Variants in PPFIA2 observed in about 807,000 individuals in gnomAD.
PPFIA2 encodes liprin-alpha-2.
A neutral mutation model predicts 175.5 loss-of-function variants in PPFIA2; 46 were observed. The observed-to-expected ratio is 0.26, with a 90% CI of 0.21 to 0.34. The LOEUF (loss-of-function observed/expected upper bound fraction) is 0.34, where lower values mean the gene tolerates loss of function less well. Ranked by LOEUF, PPFIA2 falls within the 10% of genes least tolerant of loss-of-function variation. PPFIA2 has a pLI of 1.00. For missense variants in PPFIA2, 1,179 were observed against 1,506.1 expected (o/e 0.78, Z 3.60); for synonymous variants, 568 against 511.4 (o/e 1.11, Z -1.49).
chr12:81,664,927 T>G (rs2069816883), intron 4 of PPFIA2, among the ~76,000 whole-genome samples: 1 of 151,678 alleles, frequency 6.6e-6, no homozygotes, highest in Admixed American at 6.6e-5. Context: ...CTCAGCAAAC[T>G]ATCACAAGGA....
intron 4 of PPFIA2, among the ~76,000 whole-genome samples, chr12:81,462,487 A>G (rs1378746269): frequency 6.8e-6 from 1 of 146,072 alleles, no homozygotes; most frequent in Non-Finnish European, 1.5e-5. Context: ...AATACTCTGT[A>G]TTATATATTG....
intron 3 of PPFIA2, among the ~76,000 whole-genome samples, chr12:81,724,969 C>CAT (rs2079861665): frequency 6.6e-6 from 1 of 151,012 alleles, no homozygotes; most frequent in Admixed American, 6.6e-5. Context: ...GGTCCTTTTT[C>CAT]TCCACACCCT....
chr12:81,442,145 A>T (rs957053651), intron 6 of PPFIA2, among the ~76,000 whole-genome samples: 14 of 152,076 alleles, frequency 9.2e-5, no homozygotes, highest in Non-Finnish European at 1.8e-4. Context: ...TTTATCCAAC[A>T]ATATGAAAAT....
chr12:81,455,594 A>G (rs1593254257), intron 5 of PPFIA2, among the ~76,000 whole-genome samples: 1 of 152,162 alleles, frequency 6.6e-6, no homozygotes, highest in East Asian at 1.9e-4. Flanking sequence ...ACTCCTTTGC[A>G]AACACAATAG....
intron 4 of PPFIA2, among the ~76,000 whole-genome samples, chr12:81,529,245 C>A (rs1421385394): frequency 1.2e-4 from 18 of 151,878 alleles, no homozygotes; most frequent in Non-Finnish European, 2.6e-4. Flanking sequence ...TTCTGTGTTA[C>A]ATAAAGATAT....
At chr12:81,556,909 T>G (rs1431113735) in intron 4 of PPFIA2, among the ~76,000 whole-genome samples, 1 of 151,974 alleles carries the variant, frequency 6.6e-6, no homozygotes, top group Non-Finnish European at 1.5e-5. Flanking sequence ...GCAAGAATGT[T>G]GAAAATTAAT....
chr12:81,580,338 A>C (rs1280798777), intron 4 of PPFIA2, among the ~76,000 whole-genome samples: 1 of 151,748 alleles, frequency 6.6e-6, no homozygotes, highest in East Asian at 1.9e-4. Context: ...AAGGTGGTAA[A>C]GAATGATTAA....
chr12:81,311,710 G>A (rs2050880554), intron 22 of PPFIA2, among the ~76,000 whole-genome samples: 1 of 140,236 alleles, frequency 7.1e-6, no homozygotes, highest in Admixed American at 7.7e-5. Flanking sequence ...TCCAGCCTGG[G>A]CAACATAGCA....
chr12:81,453,818 C>T (rs1863169887), intron 5 of PPFIA2, among the ~76,000 whole-genome samples: 1 of 152,100 alleles, frequency 6.6e-6, no homozygotes, highest in South Asian at 2.1e-4. Context: ...GTGGAGAAAA[C>T]ATAATACATG....
Position 81,457,837 on chromosome 12 carries a change from A to G in PPFIA2, c.333T>C (p.Asn111=). 6.2e-7 allele frequency: 1 copy of G among 1,608,082 alleles called. No individual in the cohort carries two copies. The highest frequency in any genetic ancestry group is 1.7e-5 in the Admixed American group (1 of 59,320). ...TTTCTAGAAGTTGTTCCCTGCAGGC[A>G]TTTAATTCTTTTGTCAGTGCAGCAA... is the stretch of plus-strand genomic sequence containing the variant. ...PEFAALTKEL[N]ACREQLLEKE... is the part of the protein sequence containing the mutation. Residue 111 remains asparagine, a synonymous_variant, in exon 5 of 33, where the codon AAT becomes AAC. Transcript: ENST00000549396.
At chr12:81,456,961 GT>G (rs983814245) in intron 5 of PPFIA2, among the ~76,000 whole-genome samples, 1 of 149,016 alleles carries the variant, frequency 6.7e-6, no homozygotes, top group Non-Finnish European at 1.5e-5. Context: ...TTTTTTTTCA[GT>G]TTTTTTTTCT....
intron 9 of PPFIA2, among the ~76,000 whole-genome samples, chr12:81,382,749 T>C (rs537129773): frequency 6.6e-6 from 1 of 152,032 alleles, no homozygotes; most frequent in Admixed American, 6.6e-5. Context: ...GAAGTGCTAA[T>C]TTTGAGATAT....
chr12:81,325,649 G>C lies in PPFIA2; in HGVS notation c.2642+128C>G, dbSNP rs191734638. ...GAAACATAAGCCCTGAGTGTTTTAGGTAGTATCTGGAAAATATTGGCTTCA... is the reference window on the plus strand; with the variant it reads ...GAAACATAAGCCCTGAGTGTTTTAGCTAGTATCTGGAAAATATTGGCTTCA... On this transcript the variant is annotated intron_variant, in intron 22 of 32. Coordinates refer to ENST00000549396, the MANE Select transcript of PPFIA2 (RefSeq NM_003625.5). 1.9e-4 allele frequency: 116 copies of C among 619,530 alleles called. 1 individual carries two copies. The African/African-American group carries it at 2.0e-3, about 10-fold the overall frequency. The allele number at this position is 619,530 out of a possible 1,614,324, so 38.4% of individuals were successfully genotyped here.
intron 4 of PPFIA2, among the ~76,000 whole-genome samples, chr12:81,533,858 A>G (rs1284670819): frequency 6.6e-6 from 1 of 151,418 alleles, no homozygotes; most frequent in Non-Finnish European, 1.5e-5. Flanking sequence ...GTATCATCCT[A>G]GTAAATTTGC....
chr12:81,508,628 T>C (rs1057195024), intron 4 of PPFIA2, among the ~76,000 whole-genome samples: 2 of 151,688 alleles, frequency 1.3e-5, no homozygotes, highest in Non-Finnish European at 2.9e-5. Context: ...TTTATTATTA[T>C]TATACTTTAA....
Position 81,627,248 on chromosome 12 carries a change from A to G in PPFIA2, c.303+49543T>C, listed in dbSNP as rs886578466. 3.3e-5 allele frequency among the ~76,000 whole-genome samples: 5 copies of G among 152,248 alleles called. No individual in the cohort carries two copies. The South Asian group carries it at 1.0e-3, about 32-fold the overall frequency. On this transcript the variant is annotated intron_variant, in intron 4 of 32. Transcript: ENST00000549396. ...TACAATAGGGTAACTGTGGTTAACA[A>G]TAAGTTATTGAATATTTCAACATAA...
At chr12:81,530,102 T>G (rs1244741539) in intron 4 of PPFIA2, among the ~76,000 whole-genome samples, 1 of 152,032 alleles carries the variant, frequency 6.6e-6, no homozygotes, top group Non-Finnish European at 1.5e-5. Flanking sequence ...TCCATAAAGA[T>G]GTTTTATTGG....
intron 4 of PPFIA2, among the ~76,000 whole-genome samples, chr12:81,538,866 T>C (rs1432089051): frequency 2.0e-5 from 3 of 151,870 alleles, no homozygotes. Flanking sequence ...AGGGCAATAA[T>C]AACAAAAACT....
intron 4 of PPFIA2, among the ~76,000 whole-genome samples, chr12:81,463,920 A>C (rs887698772): frequency 4.6e-5 from 7 of 152,112 alleles, no homozygotes. Context: ...TTTCTTATAC[A>C]CCAACATAGG....
Sources: gnomAD v4.1 joint callset for allele counts (sites outside exome capture counted in the v4.1 genomes callset) on GRCh38, gnomAD v4.1.1 for gene constraint, MANE v1.5 for transcripts, NCBI Gene and HGNC (gene_info 2026-07-23, HGNC 2026-07-21) for gene names.